Variants in SDK1 observed in about 807,000 individuals in gnomAD.
SDK1 encodes sidekick cell adhesion molecule 1.
SDK1 carries 157 observed loss-of-function variants against 245.5 expected under a neutral mutation model. The ratio of observed to expected loss-of-function variants is 0.64; its 90% CI spans 0.56 to 0.73. The LOEUF is 0.73. SDK1 is among the 30% of genes least tolerant of loss of function. The pLI is 0.00. For synonymous variants in SDK1, 1,647 were observed against 1,278.5 expected, an observed-to-expected ratio of 1.29 and a Z score of -6.15; for missense variants, 3,583 against 3,002.3, an observed-to-expected ratio of 1.19 and a Z score of -4.52.
chr7:3,569,201 C>G (rs1017854677), intron 1 of SDK1, among the ~76,000 whole-genome samples: 2 of 151,950 alleles, frequency 1.3e-5, no homozygotes, highest in African/African-American at 4.8e-5. Flanking sequence ...AATACTATAT[C>G]CAGTAAGTTA....
intron 1 of SDK1, among the ~76,000 whole-genome samples, chr7:3,447,736 C>G (rs1447116562): frequency 7.6e-6 from 1 of 131,762 alleles, no homozygotes; most frequent in Admixed American, 8.2e-5. Flanking sequence ...TAGAGTTTCA[C>G]TCTCGTTGCC....
chr7:3,770,389 A>G, intron 4 of SDK1, among the ~76,000 whole-genome samples: 1 of 152,128 alleles, frequency 6.6e-6, no homozygotes, highest in Non-Finnish European at 1.5e-5. Context: ...GGATATTTAC[A>G]GTTTTGGGCT....
chr7:3,346,101 G>A (rs1006265606), intron 1 of SDK1, among the ~76,000 whole-genome samples: 1 of 152,200 alleles, frequency 6.6e-6, no homozygotes, highest in Non-Finnish European at 1.5e-5. Context: ...TGCAACTTGT[G>A]ATACTGCATC....
chr7:4,035,386 A>T (rs1482306602), intron 17 of SDK1, among the ~76,000 whole-genome samples: 3 of 152,250 alleles, frequency 2.0e-5, no homozygotes, highest in African/African-American at 7.2e-5. Flanking sequence ...GTGGCATAAC[A>T]GTATGGAAAG....
intron 1 of SDK1, among the ~76,000 whole-genome samples, chr7:3,484,075 C>T (rs1365631879): frequency 6.6e-6 from 1 of 152,168 alleles, no homozygotes; most frequent in Admixed American, 6.5e-5. Flanking sequence ...TCCAAATATT[C>T]TCTTGCAGCT....
chr7:3,348,559 A>G (rs190455600), intron 1 of SDK1, among the ~76,000 whole-genome samples: 2 of 152,154 alleles, frequency 1.3e-5, no homozygotes, highest in African/African-American at 2.4e-5. Context: ...AGCGGGAGGG[A>G]GGAAGACGCA....
chr7:4,065,233 C>T (rs184913597), intron 19 of SDK1, among the ~76,000 whole-genome samples: 24 of 152,242 alleles, frequency 1.6e-4, no homozygotes, highest in African/African-American at 5.3e-4. Flanking sequence ...TTCAGACTCT[C>T]GGGTGCTGGA....
chr7:3,841,406 GGA>G (rs1042049772), intron 5 of SDK1, among the ~76,000 whole-genome samples: 1 of 152,142 alleles, frequency 6.6e-6, no homozygotes, highest in Non-Finnish European at 1.5e-5. Flanking sequence ...CAGGAGTTCT[GGA>G]GCAAAACCAT....
At chr7:3,983,009 T>C (rs1183634390) in intron 13 of SDK1, among the ~76,000 whole-genome samples, 1 of 152,048 alleles carries the variant, frequency 6.6e-6, no homozygotes, top group Non-Finnish European at 1.5e-5. Context: ...AGAACTAGAA[T>C]TAGAGGTGGA....
intron 4 of SDK1, 32 bp downstream of exon 4, chr7:3,642,137 A>G: frequency 6.2e-7 from 1 of 1,602,188 alleles, no homozygotes; most frequent in South Asian, 1.1e-5. Flanking sequence ...AGCTTCAAAT[A>G]CAATTGTAAT....
chr7:3,566,957 C>T (rs1486532869), intron 1 of SDK1, among the ~76,000 whole-genome samples: 1 of 152,114 alleles, frequency 6.6e-6, no homozygotes, highest in African/African-American at 2.4e-5. Context: ...TTGTCATGCA[C>T]TGGTGGTGGG....
chr7:3,796,013 T>A (rs1275964085), intron 4 of SDK1, among the ~76,000 whole-genome samples: 2 of 152,238 alleles, frequency 1.3e-5, no homozygotes, highest in Non-Finnish European at 2.9e-5. Flanking sequence ...AATCGTAGAC[T>A]GTTTTTTGAG....
chr7:3,605,922 T>G (rs1303541634), intron 1 of SDK1, among the ~76,000 whole-genome samples: 2 of 152,206 alleles, frequency 1.3e-5, no homozygotes, highest in Non-Finnish European at 2.9e-5. Context: ...TTTTTTAAGA[T>G]AAAATTTATG....
At chr7:3,748,481 T>G (rs1779688372) in intron 4 of SDK1, among the ~76,000 whole-genome samples, 1 of 152,216 alleles carries the variant, frequency 6.6e-6, no homozygotes, top group African/African-American at 2.4e-5. Context: ...AGGTCCAGTG[T>G]TGGCTTTTGT....
intron 1 of SDK1, among the ~76,000 whole-genome samples, chr7:3,467,065 G>A (rs941932057): frequency 6.9e-6 from 1 of 144,246 alleles, no homozygotes; most frequent in African/African-American, 2.6e-5. Flanking sequence ...AGACTTTAAG[G>A]AAAGACATCA....
intron 20 of SDK1, among the ~76,000 whole-genome samples, chr7:4,073,541 A>C (rs1438144498): frequency 6.6e-6 from 1 of 152,226 alleles, no homozygotes; most frequent in Non-Finnish European, 1.5e-5. Flanking sequence ...GTTTCAGTAA[A>C]TTCTGATGAA....
Position 4,155,215 on chromosome 7 carries a change from A to C in SDK1, c.4626-3233A>C, listed in dbSNP as rs1393984026. On this transcript the variant is annotated intron_variant, in intron 30 of 44. Transcript: ENST00000404826. ...TTTTGGGGGCACTGGCGTGGCTTCC[A>C]CCGAGAGGGTTAACTCCCCCAGATC... Among the ~76,000 whole-genome samples, 8 of 152,046 alleles carry C rather than the reference A, an allele frequency of 5.3e-5. No individual in the cohort carries two copies. The East Asian group carries it at 1.6e-3, about 29-fold the overall frequency.
At chr7:3,353,630 A>G (rs890743666) in intron 1 of SDK1, among the ~76,000 whole-genome samples, 4 of 152,186 alleles carry the variant, frequency 2.6e-5, no homozygotes, top group African/African-American at 9.7e-5. Context: ...CTGAATGGTT[A>G]GTGGAGCTGC....
At chr7:4,008,876 T>C (rs567476634) in intron 14 of SDK1, among the ~76,000 whole-genome samples, 1 of 152,350 alleles carries the variant, frequency 6.6e-6, no homozygotes, top group South Asian at 2.1e-4. Context: ...CACATATCTC[T>C]TCGAACCCCT....
Sources: gnomAD v4.1 joint callset for allele counts (sites outside exome capture counted in the v4.1 genomes callset) on GRCh38, gnomAD v4.1.1 for gene constraint, MANE v1.5 for transcripts, NCBI Gene and HGNC (gene_info 2026-07-23, HGNC 2026-07-21) for gene names.